The following RMST variants were observed in gnomAD, a reference collection of about 807,000 sequenced individuals.
RMST encodes the protein long intergenic non-protein coding RNA 54.
intron 11 of RMST, among the ~76,000 whole-genome samples, chr12:97,544,274 G>C (rs1482297602): frequency 6.6e-6 from 1 of 152,046 alleles, no homozygotes; most frequent in South Asian, 2.1e-4. Flanking sequence ...GGAATAATCA[G>C]ATTTAGATTT....
chr12:97,469,216 T>C (rs184966420), intron 5 of RMST, among the ~76,000 whole-genome samples: 1 of 150,646 alleles, frequency 6.6e-6, no homozygotes, highest in Admixed American at 6.7e-5. Context: ...ACTATATATA[T>C]AATTGTATAC....
chr12:97,506,978 G>A (rs909522872), intron 10 of RMST, among the ~76,000 whole-genome samples: 7 of 152,006 alleles, frequency 4.6e-5, no homozygotes, highest in East Asian at 1.9e-4. Flanking sequence ...CACTGCGCCC[G>A]GCCAGAGGAA....
intron 11 of RMST, among the ~76,000 whole-genome samples, chr12:97,556,016 A>G (rs1309314591): frequency 1.3e-5 from 2 of 152,192 alleles, no homozygotes; most frequent in Admixed American, 6.5e-5. Flanking sequence ...AAAGGATCAC[A>G]CTGTGGAATC....
intron 10 of RMST, among the ~76,000 whole-genome samples, chr12:97,526,931 T>C (rs1329135396): frequency 6.6e-6 from 1 of 151,908 alleles, no homozygotes; most frequent in Non-Finnish European, 1.5e-5. Context: ...CACCATGAGA[T>C]GTTGTTGTTG....
intron 11 of RMST, among the ~76,000 whole-genome samples, chr12:97,531,453 A>C (rs959624044): frequency 6.6e-6 from 1 of 152,004 alleles, no homozygotes; most frequent in East Asian, 1.9e-4. Context: ...ATTTACGTGT[A>C]TTTTCTTTTT....
At chr12:97,504,288 C>T (rs558835006) in intron 10 of RMST, among the ~76,000 whole-genome samples, 12 of 151,502 alleles carry the variant, frequency 7.9e-5, no homozygotes, top group Admixed American at 5.9e-4. Flanking sequence ...CCTGTAGTCG[C>T]AGATACTTGG....
At chr12:97,506,526 G>A (rs1878680337) in intron 10 of RMST, among the ~76,000 whole-genome samples, 2 of 152,156 alleles carry the variant, frequency 1.3e-5, no homozygotes, top group Admixed American at 6.6e-5. Flanking sequence ...AAGTTGGGAT[G>A]AGAGGAAAAA....
chr12:97,477,272 A>G (rs11109052), intron 5 of RMST, among the ~76,000 whole-genome samples: 48,878 of 152,044 alleles, frequency 0.32, 8,417 homozygotes, highest in African/African-American at 0.44. Flanking sequence ...GGTGAGGTCC[A>G]TGGATAAGCA....
chr12:97,491,802 C>T (rs769574380), intron 5 of RMST: 1 of 420,248 alleles, frequency 2.4e-6, no homozygotes. Flanking sequence ...ACAATCGTGT[C>T]ATGGCTTTTT....
intron 10 of RMST, among the ~76,000 whole-genome samples, chr12:97,510,109 G>A (rs1230581439): frequency 6.6e-6 from 1 of 152,160 alleles, no homozygotes; most frequent in Non-Finnish European, 1.5e-5. Flanking sequence ...ATTTATAAGA[G>A]AGGAAGCATT....
At chr12:97,488,936 A>G (rs1876442393) in intron 5 of RMST, among the ~76,000 whole-genome samples, 1 of 152,190 alleles carries the variant, frequency 6.6e-6, no homozygotes, top group Non-Finnish European at 1.5e-5. Context: ...ACATAAGCCT[A>G]TAAGCACTCA....
intron 10 of RMST, among the ~76,000 whole-genome samples, chr12:97,513,394 C>G (rs1267154471): frequency 4.6e-5 from 7 of 152,172 alleles, no homozygotes; most frequent in African/African-American, 1.7e-4. Context: ...TACAAATACG[C>G]AAAGATCCAG....
At chr12:97,533,055 A>T (rs1489734903) in intron 11 of RMST, 2 of 151,870 alleles carry the variant, frequency 1.3e-5, no homozygotes, top group Non-Finnish European at 2.9e-5. Flanking sequence ...GCTGCTTTAG[A>T]AGGACCATAG....
Position 97,499,579 on chromosome 12 carries a change from G to A in RMST, n.1340+3523G>A, listed in dbSNP as rs532921258. Among the ~76,000 whole-genome samples, 33 of 150,838 alleles carry A rather than the reference G, an allele frequency of 2.2e-4. 1 individual carries two copies. In the South Asian group the frequency reaches 6.7e-3, roughly 31 times the overall value. Reference sequence around the variant, plus strand: ...AAATCAAATAAGATCAAAGTGTTTTGTAAACTCTAAAATGATATAGAGCTT... The same window carrying A: ...AAATCAAATAAGATCAAAGTGTTTTATAAACTCTAAAATGATATAGAGCTT... On this transcript the variant is annotated intron_variant and non_coding_transcript_variant, in intron 10 of 13. Coordinates refer to ENST00000640149, the Ensembl canonical transcript of RMST.
At chr12:97,549,010 A>G (rs2136643048) in intron 11 of RMST, among the ~76,000 whole-genome samples, 1 of 152,314 alleles carries the variant, frequency 6.6e-6, no homozygotes, top group South Asian at 2.1e-4. Context: ...TGAAAGAATG[A>G]TTTGAGAACA....
At chr12:97,532,389 G>GT (rs1881708391) in intron 11 of RMST, among the ~76,000 whole-genome samples, 1 of 151,878 alleles carries the variant, frequency 6.6e-6, no homozygotes, top group South Asian at 2.1e-4. Flanking sequence ...CTCCAAATCA[G>GT]TAAGTTTTGT....
At chr12:97,554,223 G>A (rs528771549) in intron 11 of RMST, among the ~76,000 whole-genome samples, 7 of 151,972 alleles carry the variant, frequency 4.6e-5, no homozygotes, top group Non-Finnish European at 8.8e-5. Flanking sequence ...CAAAGTGCTG[G>A]GATTACAGGC....
chr12:97,513,254 C>T (rs916899946), intron 10 of RMST, among the ~76,000 whole-genome samples: 8 of 152,202 alleles, frequency 5.3e-5, no homozygotes, highest in East Asian at 1.9e-4. Context: ...GAGGAGGTGC[C>T]GAGAGCAAGC....
chr12:97,481,153 C>G (rs1000833359), intron 5 of RMST, among the ~76,000 whole-genome samples: 3 of 152,062 alleles, frequency 2.0e-5, no homozygotes, highest in Non-Finnish European at 2.9e-5. Context: ...TATTTTTTAA[C>G]TTTTAATTTT....
Sources: gnomAD v4.1 joint callset for allele counts (sites outside exome capture counted in the v4.1 genomes callset) on GRCh38, gnomAD v4.1.1 for gene constraint, MANE v1.5 for transcripts, NCBI Gene and HGNC (gene_info 2026-07-23, HGNC 2026-07-21) for gene names.